The following ZNF790 variants were observed in gnomAD, a reference collection of about 807,000 sequenced individuals.
The protein encoded by ZNF790 is zinc finger protein 790.
In ZNF790, 8 loss-of-function variants were observed where a neutral mutation model predicts 12.1. That is an observed-to-expected ratio of 0.66 (90% CI 0.39 to 1.19). ZNF790 has a LOEUF of 1.19. ZNF790 is among the 50% of genes most tolerant of loss of function. The pLI is 0.01. For synonymous variants in ZNF790, 252 were observed against 244.3 expected (o/e 1.03, Z -0.29); for missense variants, 707 against 752.2 (o/e 0.94, Z 0.70).
chr19:36,850,424 G>C (rs181486937), upstream of ZNF790: 37 of 152,414 alleles, frequency 2.4e-4, no homozygotes, highest in African/African-American at 7.9e-4. Flanking sequence ...AAAGACTATT[G>C]CAATAGTCAA....
upstream of ZNF790, among the ~76,000 whole-genome samples, chr19:36,842,708 T>A (rs2146092414): frequency 6.6e-6 from 1 of 150,620 alleles, no homozygotes; most frequent in East Asian, 1.9e-4. Flanking sequence ...TTTTCCTGTA[T>A]GAAAAAGACA....
chr19:36,846,756 C>T (rs1394435573), intron 1 of ZNF790, among the ~76,000 whole-genome samples: 2 of 152,180 alleles, frequency 1.3e-5, no homozygotes, highest in African/African-American at 2.4e-5. Flanking sequence ...ATTTGGCACT[C>T]GTTCATCAAG....
intron 1 of ZNF790, among the ~76,000 whole-genome samples, chr19:36,827,298 T>G (rs1173788684): frequency 6.6e-6 from 1 of 151,560 alleles, no homozygotes; most frequent in Admixed American, 6.6e-5. Context: ...AGCAACAGCC[T>G]GGGCTCCACA....
intron 1 of ZNF790, among the ~76,000 whole-genome samples, chr19:36,828,538 G>A (rs1247797525): frequency 2.0e-5 from 3 of 152,018 alleles, no homozygotes; most frequent in Admixed American, 1.3e-4. Flanking sequence ...GTAGAGTGGT[G>A]CAATCACAGT....
chr19:36,832,510 G>A (rs2071962400), intron 1 of ZNF790, among the ~76,000 whole-genome samples: 1 of 152,116 alleles, frequency 6.6e-6, no homozygotes, highest in South Asian at 2.1e-4. Context: ...GAAACCCCAT[G>A]GAGAGGTCTA....
At chr19:36,831,448 G>A (rs941979491) in intron 1 of ZNF790, among the ~76,000 whole-genome samples, 2 of 152,108 alleles carry the variant, frequency 1.3e-5, no homozygotes, top group African/African-American at 4.8e-5. Context: ...CTAGTGCAGC[G>A]GCATGTGCCT....
chr19:36,831,163 AAAAC>A (rs1568339700), intron 1 of ZNF790, among the ~76,000 whole-genome samples: 3 of 151,454 alleles, frequency 2.0e-5, no homozygotes, highest in Non-Finnish European at 2.9e-5. Context: ...ACAACAACAA[AAAAC>A]ACACAAAGTT....
upstream of ZNF790, among the ~76,000 whole-genome samples, chr19:36,842,450 T>A (rs1041210942): frequency 2.0e-5 from 3 of 152,070 alleles, no homozygotes; most frequent in Non-Finnish European, 2.9e-5. Context: ...TTTCTAGAAT[T>A]TAAAAAATTA....
At chr19:36,847,593 T>A (rs2072192206) in intron 1 of ZNF790, among the ~76,000 whole-genome samples, 1 of 151,668 alleles carries the variant, frequency 6.6e-6, no homozygotes, top group Non-Finnish European at 1.5e-5. Context: ...CTACTAAAAA[T>A]ACAAAAATTA....
chr19:36,827,141 CATATAT>C (rs369671729), intron 1 of ZNF790, among the ~76,000 whole-genome samples: 3,386 of 84,264 alleles, frequency 0.04, 117 homozygotes, highest in African/African-American at 0.072. Flanking sequence ...CACACACACA[CATATAT>C]ATATATATAT....
chr19:36,845,968 T>C (rs921679452), intron 1 of ZNF790, among the ~76,000 whole-genome samples: 2 of 151,832 alleles, frequency 1.3e-5, no homozygotes, highest in African/African-American at 2.4e-5. Context: ...ACCACCACAC[T>C]TGGCTAATTT....
intron 1 of ZNF790, among the ~76,000 whole-genome samples, chr19:36,833,214 C>T (rs2071976900): frequency 6.6e-6 from 1 of 152,216 alleles, no homozygotes; most frequent in African/African-American, 2.4e-5. Context: ...ACAATCTCGG[C>T]TCACTGCAAC....
At chr19:36,832,876 G>A (rs2071969369) in intron 1 of ZNF790, among the ~76,000 whole-genome samples, 1 of 151,480 alleles carries the variant, frequency 6.6e-6, no homozygotes, top group Admixed American at 6.6e-5. Flanking sequence ...AAATCAAGGG[G>A]AAGAAATTTA....
chr19:36,818,361 CAA>C lies in ZNF790; in HGVS notation c.*70_*71del. On this transcript the variant is annotated 3_prime_UTR_variant, in exon 5 of 5. Transcript: ENST00000356725. ...TATTACTTACATTTGTGGTGTTCCT[CAA>C]GAGAAAAAAATAAATGACATCAATT... 7.0e-7 allele frequency: 1 copy of C among 1,421,196 alleles called. No individual in the cohort carries two copies. Among genetic ancestry groups the C allele is most frequent in the Non-Finnish European group, 9.3e-7 (1 of 1,070,306 alleles). 88.0% of individuals were successfully genotyped at this position (1,421,196 alleles called of 1,614,324 possible).
At chr19:36,836,322 A>G (rs1334846812) in intron 1 of ZNF790, among the ~76,000 whole-genome samples, 1 of 152,072 alleles carries the variant, frequency 6.6e-6, no homozygotes, top group Non-Finnish European at 1.5e-5. Flanking sequence ...TAGCCTGCAA[A>G]ATAGCTCATT....
At position 36,830,187 on chromosome 19, in the gene ZNF790, C is replaced by G. The variant is rs191596404; in HGVS notation, c.-73-4495G>C. On this transcript the variant is annotated intron_variant, in intron 1 of 4. Transcript: ENST00000356725. The stretch of plus-strand genomic sequence containing the variant: ...TTGGCTGTGGGTTTTTCCTAGATAT[C>G]AGGTTGAATTCCTCTTTATTCCTAG... Among the ~76,000 whole-genome samples the G allele has an allele frequency of 4.6e-5, 7 of 152,220 alleles. No individual in the cohort carries two copies. In the East Asian group the frequency reaches 1.2e-3, roughly 25 times the overall value.
intron 4 of ZNF790, among the ~76,000 whole-genome samples, chr19:36,822,111 T>G (rs2071686360): frequency 6.6e-6 from 1 of 152,172 alleles, no homozygotes; most frequent in African/African-American, 2.4e-5. Context: ...AGACAATATA[T>G]TCTTGTTAAT....
chr19:36,829,384 CAT>C (rs1376615101), intron 1 of ZNF790, among the ~76,000 whole-genome samples: 5 of 152,170 alleles, frequency 3.3e-5, no homozygotes, highest in East Asian at 1.9e-4. Context: ...AATGGAATAA[CAT>C]ATGTGGACTT....
chr19:36,820,752 C>T (rs573688058), intron 4 of ZNF790, among the ~76,000 whole-genome samples: 3 of 152,104 alleles, frequency 2.0e-5, no homozygotes, highest in African/African-American at 7.2e-5. Context: ...AAAAATTAGC[C>T]AGGAGTGGTG....
Sources: allele counts gnomAD v4.1 joint callset (sites outside exome capture counted in the v4.1 genomes callset), GRCh38; gene constraint gnomAD v4.1.1; transcripts MANE v1.5; gene names NCBI Gene and HGNC (gene_info 2026-07-23, HGNC 2026-07-21).